DCC: variants seen among roughly 807,000 people sequenced by gnomAD.
DCC encodes the protein DCC netrin 1 receptor, also known as netrin receptor DCC.
DCC carries 58 observed loss-of-function variants against 172.5 expected under a neutral mutation model. That is an observed-to-expected ratio of 0.34 (90% CI 0.27 to 0.42). The LOEUF (loss-of-function observed/expected upper bound fraction) is 0.42, where lower values mean the gene tolerates loss of function less well. Ranked by LOEUF, DCC falls within the 10% of genes least tolerant of loss-of-function variation. The pLI is 1.00. For synonymous variants in DCC, 709 were observed against 644.5 expected (o/e 1.10, Z -1.52); for missense variants, 1,740 against 1,791.0 (o/e 0.97, Z 0.51).
chr18:52,580,974 G>A (rs1299084153), intron 1 of DCC, among the ~76,000 whole-genome samples: 1 of 152,088 alleles, frequency 6.6e-6, no homozygotes, highest in East Asian at 1.9e-4. Flanking sequence ...TGTTCAATGT[G>A]TTCAGTTCTG....
At chr18:53,017,087 T>A (rs1235981104) in intron 5 of DCC, among the ~76,000 whole-genome samples, 2 of 150,344 alleles carry the variant, frequency 1.3e-5, no homozygotes, top group Non-Finnish European at 3.0e-5. Context: ...TTTCTTTTTT[T>A]TTTTTTTTGA....
At chr18:52,555,069 A>G (rs1429260509) in intron 1 of DCC, among the ~76,000 whole-genome samples, 3 of 152,094 alleles carry the variant, frequency 2.0e-5, no homozygotes, top group Non-Finnish European at 4.4e-5. Context: ...GTCTCATTGT[A>G]CCAGGTAAAA....
At chr18:53,107,109 C>G (rs1340848679) in intron 7 of DCC, among the ~76,000 whole-genome samples, 1 of 151,812 alleles carries the variant, frequency 6.6e-6, no homozygotes, top group Non-Finnish European at 1.5e-5. Context: ...GAATGCCTAA[C>G]TTCCTGAGAA....
chr18:52,569,518 A>G (rs1182414884), intron 1 of DCC, among the ~76,000 whole-genome samples: 1 of 152,220 alleles, frequency 6.6e-6, no homozygotes, highest in African/African-American at 2.4e-5. Flanking sequence ...AAAGTGGTGG[A>G]AAATTACATA....
intron 1 of DCC, among the ~76,000 whole-genome samples, chr18:52,402,792 G>T (rs1212215996): frequency 6.6e-6 from 1 of 151,970 alleles, no homozygotes; most frequent in Non-Finnish European, 1.5e-5. Flanking sequence ...AGGGAAAGTA[G>T]GGAATATTTG....
intron 20 of DCC, among the ~76,000 whole-genome samples, chr18:53,412,467 A>G (rs1910039699): frequency 6.6e-6 from 1 of 152,158 alleles, no homozygotes; most frequent in South Asian, 2.1e-4. Context: ...GCTACAACAT[A>G]AGCATTTTAA....
chr18:52,787,514 T>G (rs2145198457), intron 2 of DCC, among the ~76,000 whole-genome samples: 1 of 152,260 alleles, frequency 6.6e-6, no homozygotes, highest in Non-Finnish European at 1.5e-5. Context: ...CATTAGAATT[T>G]TAGAAATCCC....
chr18:52,792,148 A>G (rs1177139915), intron 2 of DCC, among the ~76,000 whole-genome samples: 1 of 151,848 alleles, frequency 6.6e-6, no homozygotes, highest in Non-Finnish European at 1.5e-5. Flanking sequence ...TTGAAATGCC[A>G]TGAACTCTCC....
At chr18:52,481,347 A>G (rs1441228182) in intron 1 of DCC, among the ~76,000 whole-genome samples, 1 of 150,284 alleles carries the variant, frequency 6.7e-6, no homozygotes, top group Admixed American at 6.6e-5. Flanking sequence ...GTCACCTGCA[A>G]TCCTGGGAGT....
intron 11 of DCC, among the ~76,000 whole-genome samples, chr18:53,213,820 TGTA>T (rs752760459): frequency 6.6e-6 from 1 of 151,830 alleles, no homozygotes; most frequent in Non-Finnish European, 1.5e-5. Context: ...AAAACTAAAT[TGTA>T]ATTTTTATGT....
At chr18:52,978,201 G>A (rs964120015) in intron 5 of DCC, among the ~76,000 whole-genome samples, 3 of 152,054 alleles carry the variant, frequency 2.0e-5, no homozygotes, top group Admixed American at 2.0e-4. Flanking sequence ...AGAGATCTAT[G>A]TTTTGGAAAT....
chr18:52,700,244 ACT>A (rs1485979359), intron 1 of DCC, among the ~76,000 whole-genome samples: 2 of 146,010 alleles, frequency 1.4e-5, no homozygotes, highest in African/African-American at 2.6e-5. Context: ...TCACATGCAC[ACT>A]CACACACGCA....
chr18:52,878,988 G>A (rs979426334), intron 2 of DCC, among the ~76,000 whole-genome samples: 2 of 152,184 alleles, frequency 1.3e-5, no homozygotes, highest in African/African-American at 4.8e-5. Context: ...AGAAGGCTTA[G>A]AGAGAAAAAG....
At chr18:52,798,487 A>T (rs561472381) in intron 2 of DCC, among the ~76,000 whole-genome samples, 15 of 152,168 alleles carry the variant, frequency 9.9e-5, no homozygotes, top group African/African-American at 3.4e-4. Flanking sequence ...TACAGGCATG[A>T]GCCACTGCAC....
chr18:53,163,493 A>G (rs2054873457), intron 8 of DCC, among the ~76,000 whole-genome samples: 1 of 152,206 alleles, frequency 6.6e-6, no homozygotes. Flanking sequence ...GCTGCTTGAC[A>G]CAATACCTTT....
chr18:53,174,762 T>C (rs1273647825), intron 8 of DCC, among the ~76,000 whole-genome samples: 1 of 149,364 alleles, frequency 6.7e-6, no homozygotes, highest in East Asian at 2.0e-4. Flanking sequence ...GAGGAACTAG[T>C]ACCATTCCTT....
intron 1 of DCC, among the ~76,000 whole-genome samples, chr18:52,623,231 G>A (rs936869826): frequency 6.6e-6 from 1 of 152,200 alleles, no homozygotes; most frequent in African/African-American, 2.4e-5. Flanking sequence ...CTACAGGACA[G>A]TTAAATATTT....
At chr18:53,026,068 CAT>C (rs1417211927) in intron 5 of DCC, among the ~76,000 whole-genome samples, 2 of 151,898 alleles carry the variant, frequency 1.3e-5, no homozygotes, top group Non-Finnish European at 2.9e-5. Context: ...TCATGGGACT[CAT>C]GTGAGTTAAT....
At chr18:53,227,824 A>C in intron 12 of DCC, among the ~76,000 whole-genome samples, 1 of 152,062 alleles carries the variant, frequency 6.6e-6, no homozygotes, top group East Asian at 1.9e-4. Flanking sequence ...CTTTCAGAGG[A>C]GTCTACTTGA....
Sources: allele counts gnomAD v4.1 joint callset (sites outside exome capture counted in the v4.1 genomes callset), GRCh38; gene constraint gnomAD v4.1.1; transcripts MANE v1.5; gene names NCBI Gene and HGNC (gene_info 2026-07-23, HGNC 2026-07-21).